The following ZNF469 variants were observed in gnomAD, a reference collection of about 807,000 sequenced individuals.
ZNF469 encodes the protein zinc finger protein 469.
ZNF469 carries 1 observed loss-of-function variant against 1.0 expected under a neutral mutation model. That is an observed-to-expected ratio of 1.00 (90% CI 0.35 to 4.73). The LOEUF (loss-of-function observed/expected upper bound fraction) is 4.73, where lower values mean the gene tolerates loss of function less well. Among genes scored for constraint, ZNF469 ranks in the 30% most tolerant of loss-of-function variants. ZNF469 has a pLI of 0.16. For synonymous variants in ZNF469, 2,703 were observed against 2,363.4 expected, an observed-to-expected ratio of 1.14 and a Z score of -4.17; for missense variants, 6,100 against 5,356.3, an observed-to-expected ratio of 1.14 and a Z score of -4.33.
intron 1 of ZNF469, among the ~76,000 whole-genome samples, chr16:88,400,902 G>A (rs1462065566): frequency 2.6e-5 from 4 of 151,914 alleles, no homozygotes; most frequent in African/African-American, 4.8e-5. Flanking sequence ...AGGGGGTGGC[G>A]GGGGCAGGAG....
At chr16:88,199,649 A>G in the ZNF469 span, among the ~76,000 whole-genome samples, 1 of 152,138 alleles carries the variant, frequency 6.6e-6, no homozygotes, top group Non-Finnish European at 1.5e-5. Flanking sequence ...CTGGGCTTCT[A>G]TGTTCCACAG....
the ZNF469 span, among the ~76,000 whole-genome samples, chr16:88,268,631 G>C: frequency 2.6e-5 from 4 of 152,322 alleles, no homozygotes; most frequent in South Asian, 8.3e-4. Context: ...TCCCCGTGGG[G>C]GTTGGCACCG....
the ZNF469 span, among the ~76,000 whole-genome samples, chr16:88,167,424 CCTT>C: frequency 6.6e-6 from 1 of 152,184 alleles, no homozygotes; most frequent in African/African-American, 2.4e-5. Context: ...AGAAGAATCT[CCTT>C]GACTCCGGCA....
the ZNF469 span, among the ~76,000 whole-genome samples, chr16:88,217,710 C>T: frequency 5.8e-4 from 64 of 111,070 alleles, no homozygotes; most frequent in African/African-American, 1.6e-3. Flanking sequence ...TTTGTTCTTG[C>T]GATAGTTTAC....
the ZNF469 span, among the ~76,000 whole-genome samples, chr16:88,181,224 C>G: frequency 2.0e-5 from 3 of 152,310 alleles, no homozygotes; most frequent in East Asian, 3.9e-4. Context: ...GCGCCCGCCA[C>G]CACGCCTGGC....
chr16:88,329,480 G>A, the ZNF469 span, among the ~76,000 whole-genome samples: 64 of 152,328 alleles, frequency 4.2e-4, no homozygotes, highest in African/African-American at 1.5e-3. Context: ...GCCTCCCGCT[G>A]GCCCTCTGAG....
the ZNF469 span, among the ~76,000 whole-genome samples, chr16:88,267,003 C>T: frequency 2.0e-4 from 31 of 152,364 alleles, no homozygotes; most frequent in African/African-American, 5.0e-4. Context: ...CAGCAGCCCC[C>T]GCCAAGTCCT....
the ZNF469 span, among the ~76,000 whole-genome samples, chr16:88,254,645 C>G: frequency 1.3e-5 from 2 of 152,162 alleles, no homozygotes; most frequent in African/African-American, 4.8e-5. Context: ...GTAATCCCAG[C>G]TACTCCGGAG....
the ZNF469 span, among the ~76,000 whole-genome samples, chr16:88,365,066 A>G: frequency 2.6e-5 from 4 of 152,220 alleles, no homozygotes; most frequent in African/African-American, 9.6e-5. Context: ...AATGGTATCA[A>G]TTTTCAAATT....
chr16:88,367,934 G>A, the ZNF469 span, among the ~76,000 whole-genome samples: 2 of 152,132 alleles, frequency 1.3e-5, no homozygotes, highest in African/African-American at 2.4e-5. Flanking sequence ...CCAGCTCTAC[G>A]GCAAACACAG....
chr16:88,158,570 C>T, the ZNF469 span, among the ~76,000 whole-genome samples: 1 of 152,226 alleles, frequency 6.6e-6, no homozygotes, highest in Admixed American at 6.5e-5. Context: ...TCCCGGCAGC[C>T]TCTTGGTCAG....
the ZNF469 span, among the ~76,000 whole-genome samples, chr16:88,150,430 G>A: frequency 3.9e-5 from 6 of 152,174 alleles, no homozygotes; most frequent in Middle Eastern, 3.4e-3. Context: ...TAAATATTTC[G>A]AAGGGCAAGC....
At chr16:88,406,117 C>T (rs982878495) in intron 1 of ZNF469, among the ~76,000 whole-genome samples, 2 of 152,246 alleles carry the variant, frequency 1.3e-5, no homozygotes, top group Non-Finnish European at 2.9e-5. Context: ...CACGAGCCAC[C>T]GTGTCCAGCC....
the ZNF469 span, among the ~76,000 whole-genome samples, chr16:88,338,724 G>C: frequency 2.0e-5 from 3 of 152,164 alleles, no homozygotes; most frequent in Admixed American, 2.0e-4. Context: ...TCAGAAGGGG[G>C]GATATGGGCA....
the ZNF469 span, among the ~76,000 whole-genome samples, chr16:88,206,053 C>T: frequency 4.6e-5 from 7 of 152,238 alleles, no homozygotes; most frequent in Middle Eastern, 3.4e-3. Context: ...CAGGGAGAGA[C>T]GCCGTTCCTG....
the ZNF469 span, among the ~76,000 whole-genome samples, chr16:88,208,229 A>G: frequency 6.6e-6 from 1 of 151,408 alleles, no homozygotes; most frequent in Non-Finnish European, 1.5e-5. Flanking sequence ...TCCTTTAAGT[A>G]CCTATTTCCT....
the ZNF469 span, among the ~76,000 whole-genome samples, chr16:88,285,054 G>C: frequency 3.3e-5 from 5 of 152,386 alleles, no homozygotes; most frequent in South Asian, 4.1e-4. Flanking sequence ...CCCAGGCTAG[G>C]GGGAGGCGCA....
the ZNF469 span, among the ~76,000 whole-genome samples, chr16:88,193,943 G>A: frequency 1.3e-3 from 205 of 152,194 alleles, no homozygotes; most frequent in African/African-American, 4.5e-3. Flanking sequence ...TCTTAACCTC[G>A]TCACCTCTCG....
the ZNF469 span, among the ~76,000 whole-genome samples, chr16:88,299,034 T>C: frequency 6.6e-6 from 1 of 151,410 alleles, no homozygotes; most frequent in Admixed American, 6.6e-5. Context: ...CCCACACAGA[T>C]GAGTGTAGGG....
Sources: allele counts gnomAD v4.1 joint callset (sites outside exome capture counted in the v4.1 genomes callset), GRCh38; gene constraint gnomAD v4.1.1; transcripts MANE v1.5; gene names NCBI Gene and HGNC (gene_info 2026-07-23, HGNC 2026-07-21).